Variants in AKNA observed in about 807,000 individuals in gnomAD.
AKNA encodes the protein microtubule organization protein AKNA.
In AKNA, 67 loss-of-function variants were observed where a neutral mutation model predicts 138.8. The observed-to-expected ratio is 0.48, with a 90% confidence interval of 0.40 to 0.59. AKNA has a LOEUF of 0.59. Ranked by LOEUF, AKNA falls within the 20% of genes least tolerant of loss-of-function variation. The pLI is 0.00. For missense variants in AKNA, 1,813 were observed against 1,880.4 expected (o/e 0.96, Z 0.66); for synonymous variants, 737 against 754.4 (o/e 0.98, Z 0.38).
At chr9:114,362,611 C>G in intron 7 of AKNA, 78 bp from the exon 8 acceptor site, 1 of 1,502,246 alleles carries the variant, frequency 6.7e-7, no homozygotes, top group Non-Finnish European at 8.9e-7. Context: ...GTGGATGAGA[C>G]AGCTTGCGGG....
downstream of AKNA, chr9:114,331,659 G>A (rs12685968): frequency 1.2e-6 from 2 of 1,613,746 alleles, no homozygotes; most frequent in Non-Finnish European, 1.7e-6. Context: ...GAAGAACTGG[G>A]GGCTGTCTTT....
chr9:114,379,178 G>C (rs1314134394), intron 2 of AKNA, among the ~76,000 whole-genome samples: 1 of 152,242 alleles, frequency 6.6e-6, no homozygotes, highest in Non-Finnish European at 1.5e-5. Context: ...GGGCTTTGGA[G>C]CTAGGGAGCC....
Position 114,376,988 on chromosome 9 carries a change from C to T in AKNA, c.819G>A (p.Pro273=), listed in dbSNP as rs759384546. The T allele has an allele frequency of 2.6e-5, 42 of 1,614,076 alleles. No homozygotes were observed. The Admixed American group carries it at 5.3e-4, about 20-fold the overall frequency. ...TCCTCCATCTATCTGTGGCATGCTGCGGACTCTGGGCTGGGGGAGCTGAGG... is the reference window on the plus strand; with the variant it reads ...TCCTCCATCTATCTGTGGCATGCTGTGGACTCTGGGCTGGGGGAGCTGAGG... ...QDSSAPPAQS[P]QHATDRWRRE... The change falls in exon 3 of 22, where the codon CCG becomes CCA. Residue 273 remains proline, a synonymous_variant. Coordinates refer to ENST00000374088, the MANE Select transcript of AKNA (RefSeq NM_001317950.2).
intron 1 of AKNA, 45 bp downstream of exon 1, chr9:114,387,815 G>A (rs778772123): frequency 1.1e-4 from 47 of 421,388 alleles, no homozygotes; most frequent in Non-Finnish European, 2.2e-4. Context: ...GGCCCGTCCA[G>A]AAGGAAAGCG....
At chr9:114,378,280 G>A (rs745544278) in intron 2 of AKNA, among the ~76,000 whole-genome samples, 29 of 152,162 alleles carry the variant, frequency 1.9e-4, no homozygotes, top group Non-Finnish European at 2.5e-4. Flanking sequence ...TCCTTCAGGC[G>A]TTCGCTCAAC....
rs373965824 is a variant in AKNA at position 114,377,066 on chromosome 9, A to T, written c.741T>A (p.Asp247Glu). 24 of 1,613,968 alleles carry T rather than the reference A, an allele frequency of 1.5e-5. No homozygotes were observed. The highest frequency in any genetic ancestry group is 1.6e-4 in the Middle Eastern group (1 of 6,084). ...EGPSHHLLSP[D>E]GRTGGSVARA... is the part of the protein sequence containing the mutation. ...GAGCAACACTGCCTCCAGTTCTGCC[A>T]TCTGGGCTTAGGAGGTGGTGGCTGG... Residue 247 changes from aspartate to glutamate, a missense_variant, in exon 3 of 22, where the codon GAT becomes GAA. Asp to Glu is a conservative substitution (Grantham distance 45). Coordinates refer to ENST00000374088, the MANE Select transcript of AKNA (RefSeq NM_001317950.2).
At position 114,337,300 on chromosome 9, in the gene AKNA, A is replaced by G. The variant is rs771543595; in HGVS notation, c.4074T>C (p.Tyr1358=). ...IMPYPPAAVY[Y]APAGPTSAQP... is the part of the protein sequence containing the mutation. Reference sequence around the variant, plus strand: ...GGGCTGAGGTAGGTCCTGCAGGCGCATAGTACCTGAGGAGAGAAGTGAGTG... The same window carrying G: ...GGGCTGAGGTAGGTCCTGCAGGCGCGTAGTACCTGAGGAGAGAAGTGAGTG... Residue 1358 remains tyrosine (Y), a synonymous_variant, in exon 22 of 22, where the codon TAT becomes TAC. Coordinates refer to ENST00000374088, the MANE Select transcript of AKNA (RefSeq NM_001317950.2). The G allele has an allele frequency of 2.7e-6, 4 of 1,497,866 alleles. No individual in the cohort carries two copies. The highest frequency in any genetic ancestry group is 1.4e-5 in the African/African-American group (1 of 71,908). 92.8% of individuals were successfully genotyped at this position (1,497,866 alleles called of 1,614,324 possible).
At chr9:114,345,842 C>T (rs3762054) in intron 18 of AKNA, 21 bp downstream of exon 18, 369,477 of 1,611,300 alleles carry the variant, frequency 0.23, 44,496 homozygotes, top group South Asian at 0.27. Flanking sequence ...GCACCCATCC[C>T]GGCCCTCCCT....
In AKNA at chr9:114,343,817, C is replaced by A. The variant is rs1382418453; in HGVS notation, c.3662-14G>T. 1.2e-6 allele frequency: 2 copies of A among 1,600,126 alleles called. No homozygotes were observed. Among genetic ancestry groups the A allele is most frequent in the Non-Finnish European group, 8.6e-7 (1 of 1,168,910 alleles). Reference sequence around the variant, plus strand: ...GGTATTCGTGGCCTGGGGAAAGAAACCAGAACTGTCAGTATCAGCCCTGTG... The same window carrying A: ...GGTATTCGTGGCCTGGGGAAAGAAAACAGAACTGTCAGTATCAGCCCTGTG... On this transcript the variant is annotated splice_polypyrimidine_tract_variant and intron_variant, in intron 18 of 21. Coordinates refer to ENST00000374088, the MANE Select transcript of AKNA (RefSeq NM_001317950.2).
chr9:114,367,354 G>T (rs1832437988), intron 6 of AKNA, among the ~76,000 whole-genome samples, 189 bp downstream of exon 6: 1 of 152,140 alleles, frequency 6.6e-6, no homozygotes, highest in Non-Finnish European at 1.5e-5. Flanking sequence ...TGACAAGGAG[G>T]AGGCTGGAGC....
intron 12 of AKNA, among the ~76,000 whole-genome samples, 200 bp from the exon 13 acceptor site, chr9:114,357,169 T>C (rs1564630756): frequency 1.3e-5 from 2 of 152,088 alleles, no homozygotes; most frequent in Admixed American, 6.5e-5. Context: ...CAGCAGGGAC[T>C]CTGCACCCCA....
intron 20 of AKNA, 59 bp from the exon 21 acceptor site, chr9:114,341,784 A>ATGGCTGG: frequency 6.6e-7 from 1 of 1,510,946 alleles, no homozygotes; most frequent in Non-Finnish European, 8.9e-7. Flanking sequence ...GATCCAGCCA[A>ATGGCTGG]AGATGGAGGG....
At chr9:114,377,942 CACT>C (rs1327648629) in intron 2 of AKNA, among the ~76,000 whole-genome samples, 2 of 152,192 alleles carry the variant, frequency 1.3e-5, no homozygotes, top group African/African-American at 2.4e-5. Context: ...AGTCTACCAC[CACT>C]ACCTTAGCTC....
chr9:114,350,505 A>G (rs1223789420), intron 15 of AKNA, among the ~76,000 whole-genome samples: 7 of 152,254 alleles, frequency 4.6e-5, no homozygotes, highest in African/African-American at 1.7e-4. Flanking sequence ...CTCAGAAGGC[A>G]GTAGCTTCTT....
Position 114,346,025 on chromosome 9 carries a change from T to C in AKNA, c.3515-16A>G, listed in dbSNP as rs1055551256. 1 of 1,591,822 alleles carries C rather than the reference T, an allele frequency of 6.3e-7. No individual in the cohort carries two copies. The highest frequency in any genetic ancestry group is 8.6e-7 in the Non-Finnish European group (1 of 1,164,952). On this transcript the variant is annotated splice_polypyrimidine_tract_variant and intron_variant, in intron 17 of 21. Coordinates refer to ENST00000374088, the MANE Select transcript of AKNA (RefSeq NM_001317950.2). Reference sequence around the variant, plus strand: ...GATTCTGAACCTGGGGTAGAAAAAGTGGGGCATCAGAGGGGGCAAGGGGTG... The same window carrying C: ...GATTCTGAACCTGGGGTAGAAAAAGCGGGGCATCAGAGGGGGCAAGGGGTG...
intron 1 of AKNA, among the ~76,000 whole-genome samples, chr9:114,385,530 C>T (rs1833967781): frequency 6.6e-6 from 1 of 152,176 alleles, no homozygotes; most frequent in African/African-American, 2.4e-5. Context: ...GGCTTTTTTT[C>T]TAGCTCTGCC....
downstream of AKNA, chr9:114,331,486 A>C: frequency 8.8e-7 from 1 of 1,134,704 alleles, no homozygotes; most frequent in Non-Finnish European, 1.3e-6. Flanking sequence ...GGCCCCGGAC[A>C]CACCTAGGAC....
At chr9:114,343,029 CA>C (rs1164206818) in intron 19 of AKNA, among the ~76,000 whole-genome samples, 1 of 152,210 alleles carries the variant, frequency 6.6e-6, no homozygotes, top group Non-Finnish European at 1.5e-5. Flanking sequence ...TGCCCTTGGG[CA>C]AGTTACTTAA....
chr9:114,370,761 T>C (rs887501750), intron 4 of AKNA, among the ~76,000 whole-genome samples: 22 of 152,174 alleles, frequency 1.4e-4, no homozygotes, highest in African/African-American at 5.1e-4. Flanking sequence ...TCTCAGCCTT[T>C]AAAATGCTAA....
Sources: allele counts gnomAD v4.1 joint callset (sites outside exome capture counted in the v4.1 genomes callset), GRCh38; gene constraint gnomAD v4.1.1; transcripts MANE v1.5; gene names NCBI Gene and HGNC (gene_info 2026-07-23, HGNC 2026-07-21).